The following C22orf31 variants were observed in gnomAD, a reference collection of about 807,000 sequenced individuals.
The protein encoded by C22orf31 is uncharacterized protein C22orf31.
In C22orf31, 11 loss-of-function variants were observed where a neutral mutation model predicts 15.0. That is an observed-to-expected ratio of 0.73 (90% CI 0.46 to 1.21). The LOEUF (loss-of-function observed/expected upper bound fraction) is 1.21. C22orf31 is among the 50% of genes most tolerant of loss of function. The probability of loss-of-function intolerance (pLI) is 0.00; values close to 1 mark genes in which losing one functional copy is unlikely to be tolerated. For synonymous variants in C22orf31, 132 were observed against 133.3 expected (o/e 0.99, Z 0.07); for missense variants, 340 against 347.2 (o/e 0.98, Z 0.17).
chr22:29,061,560 T>G (rs2037392259), intron 1 of C22orf31, among the ~76,000 whole-genome samples: 1 of 152,068 alleles, frequency 6.6e-6, no homozygotes, highest in Admixed American at 6.6e-5. Flanking sequence ...GCCACCATGT[T>G]CGGCTGAATA....
At chr22:29,064,148 G>A (rs368155851), upstream of C22orf31, among the ~76,000 whole-genome samples, 12 of 152,156 alleles carry the variant, frequency 7.9e-5, no homozygotes, top group East Asian at 2.1e-3. Flanking sequence ...GAATACAGGT[G>A]TGAATCACCA....
chr22:29,060,021 CTTT>C (rs60208241), intron 2 of C22orf31: 9,372 of 536,672 alleles, frequency 0.017, 2 homozygotes, highest in African/African-American at 0.023. Context: ...TTTTTCTTTT[CTTT>C]TTTTTTTTTT....
At chr22:29,071,526 C>G in the C22orf31 span, among the ~76,000 whole-genome samples, 1 of 152,120 alleles carries the variant, frequency 6.6e-6, no homozygotes, top group South Asian at 2.1e-4. Context: ...CTGGGTGCGG[C>G]GAGTCTGCAC....
intron 1 of C22orf31, among the ~76,000 whole-genome samples, chr22:29,061,266 C>CT (rs879433175): frequency 3.3e-5 from 5 of 152,108 alleles, no homozygotes; most frequent in Non-Finnish European, 7.4e-5. Flanking sequence ...TTTACACTTT[C>CT]TTTTTTTGTG....
intron 2 of C22orf31, chr22:29,059,569 A>G (rs1402030495): frequency 2.4e-6 from 1 of 422,458 alleles, no homozygotes; most frequent in Admixed American, 6.4e-5. Context: ...GTTATCCCCC[A>G]TTTAATATGA....
chr22:29,064,213 T>C (rs1287395225), upstream of C22orf31, among the ~76,000 whole-genome samples: 1 of 152,220 alleles, frequency 6.6e-6, no homozygotes, highest in African/African-American at 2.4e-5. Flanking sequence ...CCGTGATGCC[T>C]GGCCTCTCTG....
chr22:29,059,192 A>G lies in C22orf31; in HGVS notation c.433-10T>C, dbSNP rs2037355313. Reference sequence around the variant, plus strand: ...TTGAACTTTCTTTACTCTAGCCAGGAAGAAAGCAGAGAAGTCAAAGCTAAA... The same window carrying G: ...TTGAACTTTCTTTACTCTAGCCAGGGAGAAAGCAGAGAAGTCAAAGCTAAA... On this transcript the variant is annotated splice_polypyrimidine_tract_variant and intron_variant, in intron 2 of 2. Coordinates refer to ENST00000216071, the MANE Select transcript of C22orf31 (RefSeq NM_015370.2). 10 of 1,574,978 alleles carry G rather than the reference A, an allele frequency of 6.3e-6. No homozygotes were observed. Among genetic ancestry groups the G allele is most frequent in the Non-Finnish European group, 8.6e-6 (10 of 1,162,526 alleles).
Position 29,058,823 on chromosome 22 carries a change from G to A in C22orf31, c.792C>T (p.Asp264=). The A allele has an allele frequency of 1.2e-6, 2 of 1,614,146 alleles. No individual in the cohort carries two copies. Among genetic ancestry groups the A allele is most frequent in the Non-Finnish European group, 1.7e-6 (2 of 1,180,008 alleles). ...QGAISEGAQR[D]RFPGRKQPGV... ...CTGGCTGCTTCCTGCCAGGGAACCG[G>A]TCCCTCTGAGCACCTTCAGAGATGG... Residue 264 remains aspartate, a synonymous_variant, in exon 3 of 3, where the codon GAC becomes GAT. Transcript: ENST00000216071.
At chr22:29,065,583 T>C (rs750332781), upstream of C22orf31, among the ~76,000 whole-genome samples, 3 of 152,236 alleles carry the variant, frequency 2.0e-5, no homozygotes, top group Non-Finnish European at 4.4e-5. Flanking sequence ...GTAGAGGAGC[T>C]ACATCCCCTG....
At chr22:29,066,508 C>A (rs1440998408), upstream of C22orf31, among the ~76,000 whole-genome samples, 2 of 145,342 alleles carry the variant, frequency 1.4e-5, no homozygotes, top group South Asian at 2.2e-4. Flanking sequence ...ACACTTCCTC[C>A]TTTCTTTCTT....
rs368048142 is a variant in C22orf31 at position 29,059,114 on chromosome 22, A to T, written c.501T>A (p.His167Gln). Reference protein sequence around the residue: ...RQDLEDRYAEHVAATQALPQD... With the variant: ...RQDLEDRYAEQVAATQALPQD... ...GGGGTAGCGCTTGGGTGGCAGCCAC[A>T]TGTTCAGCATATCTGTCCTCAAGAT... The change falls in exon 3 of 3, where the codon CAT (histidine) becomes CAA (glutamine). Residue 167 changes from histidine (H) to glutamine (Q), a missense_variant. Physicochemically the swap from His to Gln is conservative, Grantham distance 24 (BLOSUM62 0). Coordinates refer to ENST00000216071, the MANE Select transcript of C22orf31 (RefSeq NM_015370.2). 6.2e-7 allele frequency: 1 copy of T among 1,614,096 alleles called. No homozygotes were observed. The highest frequency in any genetic ancestry group is 8.5e-7 in the Non-Finnish European group (1 of 1,179,990).
At chr22:29,068,299 A>C in the C22orf31 span, among the ~76,000 whole-genome samples, 2 of 151,920 alleles carry the variant, frequency 1.3e-5, no homozygotes, top group African/African-American at 4.8e-5. Flanking sequence ...CATGTTGGCC[A>C]GGCTGGTCTC....
chr22:29,065,668 G>A (rs2037424460), upstream of C22orf31, among the ~76,000 whole-genome samples: 1 of 152,232 alleles, frequency 6.6e-6, no homozygotes, highest in South Asian at 2.1e-4. Flanking sequence ...ATAAGATAAG[G>A]AAGTGGTTAG....
chr22:29,059,625 A>G (rs1227430422), intron 2 of C22orf31: 1 of 926,582 alleles, frequency 1.1e-6, no homozygotes, highest in Non-Finnish European at 1.3e-6. Context: ...GTCCTCAATT[A>G]CAGTCCGAGT....
the C22orf31 span, among the ~76,000 whole-genome samples, chr22:29,069,857 C>T: frequency 6.6e-6 from 1 of 151,954 alleles, no homozygotes; most frequent in African/African-American, 2.4e-5. Flanking sequence ...GGGCGTGCAA[C>T]CTGTATATCA....
upstream of C22orf31, among the ~76,000 whole-genome samples, chr22:29,066,561 T>C (rs1466471279): frequency 3.1e-5 from 3 of 95,316 alleles, no homozygotes; most frequent in Non-Finnish European, 4.1e-5. Context: ...TTTTTTTTTT[T>C]TTTTTTTTTT....
chr22:29,066,564 TTTTTTTTTTTTTTTG>T (rs2037432726), upstream of C22orf31, among the ~76,000 whole-genome samples: 1 of 97,682 alleles, frequency 1.0e-5, no homozygotes, highest in Non-Finnish European at 2.0e-5. Flanking sequence ...TTTTTTTTTT[TTTTTTTTTTTTTTTG>T]AGATGCAGTC....
At chr22:29,068,648 G>A in the C22orf31 span, among the ~76,000 whole-genome samples, 1 of 151,508 alleles carries the variant, frequency 6.6e-6, no homozygotes, top group African/African-American at 2.4e-5. Flanking sequence ...CTGACCTCAT[G>A]ATCTGCCCAC....
chr22:29,066,392 T>C (rs1341743928), upstream of C22orf31, among the ~76,000 whole-genome samples: 1 of 152,142 alleles, frequency 6.6e-6, no homozygotes, highest in Non-Finnish European at 1.5e-5. Context: ...GACCAATGAT[T>C]TGGACCACAT....
Sources: gnomAD v4.1 joint callset for allele counts (sites outside exome capture counted in the v4.1 genomes callset) on GRCh38, gnomAD v4.1.1 for gene constraint, MANE v1.5 for transcripts, NCBI Gene and HGNC (gene_info 2026-07-23, HGNC 2026-07-21) for gene names.